The following CNOT11 variants were observed in gnomAD, a reference collection of about 807,000 sequenced individuals.
The protein encoded by CNOT11 is CCR4-NOT transcription complex subunit 11.
In CNOT11, 18 loss-of-function variants were observed where a neutral mutation model predicts 44.6. The observed-to-expected ratio is 0.40, with a 90% confidence interval of 0.28 to 0.60. The LOEUF is 0.60. CNOT11 is among the 20% of genes least tolerant of loss of function. The pLI, the probability that CNOT11 is intolerant of heterozygous loss-of-function variation, is 0.38. For missense variants in CNOT11, 513 were observed against 677.0 expected (o/e 0.76, Z 2.69); for synonymous variants, 291 against 270.9 (o/e 1.07, Z -0.73).
At chr2:101,261,844 C>CCT (rs1681869217) in intron 2 of CNOT11, among the ~76,000 whole-genome samples, 1 of 111,854 alleles carries the variant, frequency 8.9e-6, no homozygotes, top group South Asian at 3.1e-4. Flanking sequence ...TTCTTTCTTT[C>CCT]TTTTTTTTTT....
chr2:101,264,333 C>T lies in CNOT11; in HGVS notation c.833-512C>T, dbSNP rs111603202. ...TTCGTGACGGTTTCCACATTCGTTT[C>T]GAAATATCAAAAGGCAACCATACTT... On this transcript the variant is annotated intron_variant, in intron 3 of 6. Coordinates refer to ENST00000289382, the MANE Select transcript of CNOT11 (RefSeq NM_017546.5). Among the ~76,000 whole-genome samples the T allele has an allele frequency of 7.2e-5, 11 of 152,256 alleles. 1 individual carries two copies. The highest frequency in any genetic ancestry group is 1.4e-4 in the African/African-American group (6 of 41,552).
At chr2:101,254,863 A>AACAC (rs138305137) in intron 1 of CNOT11, among the ~76,000 whole-genome samples, 47 of 141,152 alleles carry the variant, frequency 3.3e-4, no homozygotes, top group African/African-American at 1.0e-3. Flanking sequence ...ACAGCTTCTA[A>AACAC]ACACACACAC....
chr2:101,268,229 C>A (rs1223351392), intron 5 of CNOT11, among the ~76,000 whole-genome samples: 3 of 152,208 alleles, frequency 2.0e-5, no homozygotes, highest in Non-Finnish European at 2.9e-5. Flanking sequence ...CTTTCCCCTA[C>A]TGAGTGAAGA....
In CNOT11 at chr2:101,253,286, C is replaced by A. The variant is rs1296876089; in HGVS notation, c.322C>A (p.Leu108Ile). The A allele has an allele frequency of 6.2e-7, 1 of 1,611,480 alleles. No homozygotes were observed. Among genetic ancestry groups the A allele is most frequent in the Admixed American group, 1.7e-5 (1 of 59,966 alleles). ...CGACCACTTCCGCCTGGGCTCGGTG[C>A]TCGTCATGCTGCTCCAGCAGCCCGA... ...KADHFRLGSV[L>I]VMLLQQPDLL... The change falls in exon 1 of 7, where the codon CTC (leucine) becomes ATC (isoleucine). Residue 108 changes from leucine (L) to isoleucine (I), a missense_variant. Physicochemically the swap from Leu to Ile is conservative, Grantham distance 5. Coordinates refer to ENST00000289382, the MANE Select transcript of CNOT11 (RefSeq NM_017546.5). This position sits in a 1 kb window ranked among gnomAD's most constrained non-coding sequence, Gnocchi z 4.3.
In CNOT11 at chr2:101,253,059, G is replaced by C. The variant is rs767449012; in HGVS notation, c.95G>C (p.Ser32Thr). 18 of 1,517,302 alleles carry C rather than the reference G, an allele frequency of 1.2e-5. No homozygotes were observed. Among genetic ancestry groups the C allele is most frequent in the Non-Finnish European group, 2.6e-6 (3 of 1,138,306 alleles). 94.0% of individuals were successfully genotyped at this position (1,517,302 alleles called of 1,614,324 possible). The change falls in exon 1 of 7, where the codon AGC (serine) becomes ACC (threonine). Residue 32 changes from serine (S) to threonine (T), a missense_variant. Ser to Thr is a moderately conservative substitution (Grantham distance 58). This residue lies in a region of CNOT11 where 259 missense variants were observed against 265.7 expected (regional missense o/e 0.97). Coordinates refer to ENST00000289382, the MANE Select transcript of CNOT11 (RefSeq NM_017546.5). The surrounding 1 kb of genome is among the most constrained non-coding windows in gnomAD (Gnocchi z 4.3). ...SREAAGSASR[S>T]GFGGSGGGRG... Reference sequence around the variant, plus strand: ...GAAGCGGCAGGGTCGGCGTCCAGGAGCGGCTTCGGGGGCTCCGGCGGCGGC... The same window carrying C: ...GAAGCGGCAGGGTCGGCGTCCAGGACCGGCTTCGGGGGCTCCGGCGGCGGC...
Position 101,262,700 on chromosome 2 carries a change from A to ATATAAAT in CNOT11, c.832+12_832+18dup. On this transcript the variant is annotated intron_variant, in intron 3 of 6. Transcript: ENST00000289382. ...AAAGCCACCTATTGAAAGTAGGTAC[A>ATATAAAT]TATAAATTAATTTATACTCTTTGTT... is the stretch of plus-strand genomic sequence containing the variant. The ATATAAAT allele has an allele frequency of 2.5e-6, 4 of 1,608,598 alleles. No individual in the cohort carries two copies. The highest frequency in any genetic ancestry group is 3.4e-6 in the Non-Finnish European group (4 of 1,175,852).
At position 101,269,684 on chromosome 2, in the gene CNOT11, G is replaced by C; in HGVS notation, c.*271G>C. On this transcript the variant is annotated 3_prime_UTR_variant, in exon 7 of 7. Transcript: ENST00000289382. This position sits in a 1 kb window ranked among gnomAD's most constrained non-coding sequence, Gnocchi z 4.8. ...AAAAGTTCCGCAAAAAAGTAGATGAGTTTCTTTTTTTTTTAAGCACTAAAG... is the reference window on the plus strand; with the variant it reads ...AAAAGTTCCGCAAAAAAGTAGATGACTTTCTTTTTTTTTTAAGCACTAAAG... 3.3e-6 allele frequency: 1 copy of C among 300,858 alleles called. No individual in the cohort carries two copies. Among genetic ancestry groups the C allele is most frequent in the South Asian group, 1.1e-4 (1 of 8,720 alleles). The allele number at this position is 300,858 out of a possible 1,614,324, so 18.6% of individuals were successfully genotyped here.
chr2:101,269,400 A>C lies in CNOT11; in HGVS notation c.1520A>C (p.Lys507Thr). 1 of 1,614,016 alleles carries C rather than the reference A, an allele frequency of 6.2e-7. No individual in the cohort carries two copies. Among genetic ancestry groups the C allele is most frequent in the African/African-American group, 1.3e-5 (1 of 75,052 alleles). ...LDTGETPSET[K>T]MSK ...ACTGGGGAAACACCTTCTGAGACCA[A>C]AATGTCAAAATAATACCTCATCAGA... The change falls in exon 7 of 7, where the codon AAA (lysine) becomes ACA (threonine). Residue 507 changes from lysine (K) to threonine (T), a missense_variant. Transcript: ENST00000289382. This position sits in a 1 kb window ranked among gnomAD's most constrained non-coding sequence, Gnocchi z 4.8.
intron 4 of CNOT11, 71 bp from the exon 5 acceptor site, chr2:101,266,606 A>G (rs1458232397): frequency 4.3e-6 from 5 of 1,171,114 alleles, no homozygotes; most frequent in South Asian, 1.2e-5. Flanking sequence ...TTTCATATAC[A>G]TGGGAAAAAA....
rs750424083 is a variant in CNOT11 at position 101,264,924 on chromosome 2, G to A, written c.912G>A (p.Thr304=). The A allele has an allele frequency of 1.3e-5, 21 of 1,613,882 alleles. No homozygotes were observed. The highest frequency in any genetic ancestry group is 1.0e-4 in the Admixed American group (6 of 59,976). Residue 304 remains threonine (T), a synonymous_variant, in exon 4 of 7, where the codon ACG becomes ACA. Transcript: ENST00000289382. ...ATGAACTTGCTTGGCTAAACCCCACGGAGCCTGACCACGCGATCCAGTGGG... is the reference window on the plus strand; with the variant it reads ...ATGAACTTGCTTGGCTAAACCCCACAGAGCCTGACCACGCGATCCAGTGGG... ...CEDELAWLNP[T]EPDHAIQWDK... is the part of the protein sequence containing the mutation.
intron 1 of CNOT11, among the ~76,000 whole-genome samples, chr2:101,254,676 G>T (rs985440096): frequency 6.6e-6 from 1 of 151,986 alleles, no homozygotes; most frequent in African/African-American, 2.4e-5. Context: ...GGTGGGAATT[G>T]CTTGAGGCCA....
At position 101,252,916 on chromosome 2, in the gene CNOT11, C is replaced by T; in HGVS notation, c.-49C>T. On this transcript the variant is annotated 5_prime_UTR_variant, in exon 1 of 7. Transcript: ENST00000289382. ...TTACGGCCGCGGGGACGGAGCGAGC[C>T]GGCGCCAGGGCCCCTCGGGCCGGGA... The T allele has an allele frequency of 1.4e-5, 20 of 1,386,358 alleles. No individual in the cohort carries two copies. Among genetic ancestry groups the T allele is most frequent in the Non-Finnish European group, 1.9e-5 (20 of 1,079,166 alleles). 85.9% of individuals were successfully genotyped at this position (1,386,358 alleles called of 1,614,324 possible). A position where few individuals can be genotyped will look rare whatever the true frequency, so the allele number is the denominator to read the frequency against.
chr2:101,269,186 A>T lies in CNOT11; in HGVS notation c.1336-30A>T. ...ATAAATGGCTGCCAGGAAAATGAGC[A>T]GACTAACATTTTTTTTTTTCCTTTT... On this transcript the variant is annotated intron_variant, in intron 6 of 6. Transcript: ENST00000289382. The surrounding 1 kb of genome is among the most constrained non-coding windows in gnomAD (Gnocchi z 4.8). 1.2e-6 allele frequency: 2 copies of T among 1,600,910 alleles called. No homozygotes were observed. The highest frequency in any genetic ancestry group is 1.7e-5 in the Admixed American group (1 of 58,438).
At chr2:101,261,975 T>C (rs1681874768) in intron 2 of CNOT11, among the ~76,000 whole-genome samples, 1 of 151,136 alleles carries the variant, frequency 6.6e-6, no homozygotes, top group South Asian at 2.1e-4. Context: ...GCCTCTCGAG[T>C]AGCTGGGACT....
intron 3 of CNOT11, among the ~76,000 whole-genome samples, chr2:101,263,107 G>A (rs1018514251): frequency 6.6e-6 from 1 of 152,030 alleles, no homozygotes; most frequent in Admixed American, 6.6e-5. Flanking sequence ...TGTAGTCCCA[G>A]CTACTTGGGA....
chr2:101,256,371 G>A (rs1681736228), intron 1 of CNOT11, among the ~76,000 whole-genome samples: 1 of 152,140 alleles, frequency 6.6e-6, no homozygotes, highest in Non-Finnish European at 1.5e-5. Flanking sequence ...TATGGACTAT[G>A]GGTGGTGGGT....
intron 2 of CNOT11, among the ~76,000 whole-genome samples, chr2:101,261,774 C>T (rs1246032213): frequency 2.0e-5 from 3 of 151,362 alleles, no homozygotes; most frequent in Non-Finnish European, 4.4e-5. Flanking sequence ...TTTTTTTGGC[C>T]ATTCAAGCTT....
At chr2:101,260,288 T>G (rs1681825268) in intron 2 of CNOT11, among the ~76,000 whole-genome samples, 2 of 152,122 alleles carry the variant, frequency 1.3e-5, no homozygotes, top group African/African-American at 4.8e-5. Context: ...ATTATAATAT[T>G]TATTTATAGT....
chr2:101,263,073 T>C (rs376948890), intron 3 of CNOT11, among the ~76,000 whole-genome samples: 1 of 152,066 alleles, frequency 6.6e-6, no homozygotes, highest in East Asian at 1.9e-4. Context: ...AATAAAAAAT[T>C]AGCCGAGTGT....
Sources: allele counts gnomAD v4.1 joint callset (sites outside exome capture counted in the v4.1 genomes callset), GRCh38; gene constraint gnomAD v4.1.1; regional missense constraint gnomAD v4.1.1; non-coding constraint Gnocchi (gnomAD v3.1); transcripts MANE v1.5; gene names NCBI Gene and HGNC (gene_info 2026-07-23, HGNC 2026-07-21).